WNT10A: variants seen among roughly 807,000 people sequenced by gnomAD.
WNT10A encodes protein Wnt-10a.
WNT10A carries 37 observed loss-of-function variants against 36.1 expected under a neutral mutation model. The observed-to-expected ratio is 1.02, with a 90% CI of 0.79 to 1.35. The LOEUF is 1.35. Ranked by LOEUF, WNT10A falls within the 40% of genes most tolerant of loss-of-function variation. The pLI is 0.00. For missense variants in WNT10A, 613 were observed against 601.4 expected (o/e 1.02, Z -0.20); for synonymous variants, 255 against 254.1 (o/e 1.00, Z -0.03).
chr2:218,893,298 T>G lies in WNT10A; in HGVS notation c.*27T>G. On this transcript the variant is annotated 3_prime_UTR_variant, in exon 4 of 4. Coordinates refer to ENST00000258411, the MANE Select transcript of WNT10A (RefSeq NM_025216.3). The surrounding 1 kb of genome is among the most constrained non-coding windows in gnomAD (Gnocchi z 6.3). Reference sequence around the variant, plus strand: ...CGGCCCGGGGTCCCCTGGGCCCTGATCGAGGTCCCCTCCTGGAGCCTGGCC... The same window carrying G: ...CGGCCCGGGGTCCCCTGGGCCCTGAGCGAGGTCCCCTCCTGGAGCCTGGCC... 6.5e-7 allele frequency: 1 copy of G among 1,535,286 alleles called. No individual in the cohort carries two copies.
chr2:218,875,856 G>A (rs1478352383), upstream of WNT10A, among the ~76,000 whole-genome samples: 3 of 152,226 alleles, frequency 2.0e-5, no homozygotes, highest in Non-Finnish European at 4.4e-5. Flanking sequence ...TATTGGGCAG[G>A]CCCTGATTGC....
At chr2:218,888,045 C>T (rs1290060347) in intron 2 of WNT10A, among the ~76,000 whole-genome samples, 2 of 152,120 alleles carry the variant, frequency 1.3e-5, no homozygotes, top group African/African-American at 2.4e-5. Flanking sequence ...TGTTCTGTTT[C>T]TTTCTGTTAT....
chr2:218,889,896 T>C, intron 2 of WNT10A, 88 bp from the exon 3 acceptor site: 1 of 1,601,126 alleles, frequency 6.2e-7, no homozygotes, highest in Non-Finnish European at 8.5e-7. Flanking sequence ...GGGCTTCAGT[T>C]TCTCCTTGGA....
chr2:218,877,555 C>T (rs1040474158), upstream of WNT10A, among the ~76,000 whole-genome samples: 6 of 152,164 alleles, frequency 3.9e-5, no homozygotes, highest in African/African-American at 9.7e-5. The surrounding 1 kb of genome is among the most constrained non-coding windows in gnomAD (Gnocchi z 4.1). Flanking sequence ...CCCCTGCTGG[C>T]TGAATGGCAG....
upstream of WNT10A, among the ~76,000 whole-genome samples, chr2:218,877,838 G>A (rs892279216): frequency 2.0e-5 from 3 of 152,194 alleles, no homozygotes; most frequent in Non-Finnish European, 4.4e-5. This position sits in a 1 kb window ranked among gnomAD's most constrained non-coding sequence, Gnocchi z 4.1. Flanking sequence ...GGAATGAAGA[G>A]CCTCCTTATT....
chr2:218,886,474 C>T (rs1024181691), intron 2 of WNT10A, among the ~76,000 whole-genome samples: 2 of 152,164 alleles, frequency 1.3e-5, no homozygotes, highest in African/African-American at 4.8e-5. Flanking sequence ...CTCTCCTCCA[C>T]CCTCCCCTAC....
At chr2:218,890,527 T>C (rs1944639175) in intron 3 of WNT10A, among the ~76,000 whole-genome samples, 164 bp downstream of exon 3, 1 of 152,230 alleles carries the variant, frequency 6.6e-6, no homozygotes, top group Non-Finnish European at 1.5e-5. Context: ...GAGTATGCAC[T>C]GTGCACCAGG....
At chr2:218,875,794 A>G in the WNT10A span, among the ~76,000 whole-genome samples, 1 of 152,262 alleles carries the variant, frequency 6.6e-6, no homozygotes, top group Non-Finnish European at 1.5e-5. Context: ...ACATATGTTT[A>G]GTAAATGATA....
chr2:218,880,820 G>C (rs1944502622), upstream of WNT10A: 2 of 623,444 alleles, frequency 3.2e-6, no homozygotes, highest in Non-Finnish European at 5.1e-6. The surrounding 1 kb of genome is among the most constrained non-coding windows in gnomAD (Gnocchi z 7.7). Context: ...GTGCCCGGGG[G>C]TGCTGCCCCA....
chr2:218,880,745 C>T (rs1944501049), upstream of WNT10A: 1 of 454,628 alleles, frequency 2.2e-6, no homozygotes, highest in Non-Finnish European at 3.9e-6. The surrounding 1 kb of genome is among the most constrained non-coding windows in gnomAD (Gnocchi z 7.7). Flanking sequence ...GGGAAATTCC[C>T]CGGACCCCTG....
At chr2:218,881,183 T>A in intron 1 of WNT10A, 75 bp downstream of exon 1, 1 of 1,541,382 alleles carries the variant, frequency 6.5e-7, no homozygotes, top group South Asian at 1.2e-5. Flanking sequence ...ATGCTCTTGC[T>A]GGGGTAGAGG....
intron 2 of WNT10A, 46 bp downstream of exon 2, chr2:218,882,469 C>G: frequency 6.2e-7 from 1 of 1,611,056 alleles, no homozygotes; most frequent in South Asian, 1.1e-5. Context: ...TCCAGCATCT[C>G]CACCTCAGAA....
upstream of WNT10A, among the ~76,000 whole-genome samples, chr2:218,876,151 T>G (rs1255220437): frequency 2.0e-5 from 3 of 152,206 alleles, no homozygotes; most frequent in Non-Finnish European, 4.4e-5. Context: ...AGAATGACTT[T>G]CCCAGTTGTC....
upstream of WNT10A, chr2:218,880,779 C>G: frequency 2.0e-6 from 1 of 494,728 alleles, no homozygotes; most frequent in Non-Finnish European, 3.5e-6. This position sits in a 1 kb window ranked among gnomAD's most constrained non-coding sequence, Gnocchi z 7.7. Context: ...CCGGTTCGCC[C>G]GCTCTTCACC....
chr2:218,890,049 G>C lies in WNT10A; in HGVS notation c.442G>C (p.Ala148Pro). ...AAGVVHAVSN[A>P]CALGKLKACG... Reference sequence around the variant, plus strand: ...TGGCGTGGTGCACGCCGTGTCCAATGCGTGTGCCCTGGGCAAACTGAAGGC... The same window carrying C: ...TGGCGTGGTGCACGCCGTGTCCAATCCGTGTGCCCTGGGCAAACTGAAGGC... The change falls in exon 3 of 4, where the codon GCG (alanine) becomes CCG (proline). Residue 148 changes from alanine to proline, a missense_variant. Physicochemically the swap from Ala to Pro is conservative, Grantham distance 27. Transcript: ENST00000258411. 1 of 1,614,084 alleles carries C rather than the reference G, an allele frequency of 6.2e-7. No homozygotes were observed. Among genetic ancestry groups the C allele is most frequent in the South Asian group, 1.1e-5 (1 of 91,082 alleles).
At chr2:218,880,573 A>G (rs1021542459), upstream of WNT10A, 121 of 187,904 alleles carry the variant, frequency 6.4e-4, no homozygotes, top group Middle Eastern at 4.3e-3. The surrounding 1 kb of genome is among the most constrained non-coding windows in gnomAD (Gnocchi z 7.7). Flanking sequence ...CGACACAGAC[A>G]GCGCCGCCCC....
At chr2:218,887,377 A>G (rs1187565132) in intron 2 of WNT10A, among the ~76,000 whole-genome samples, 1 of 152,112 alleles carries the variant, frequency 6.6e-6, no homozygotes, top group East Asian at 1.9e-4. Context: ...AATAAGAGAA[A>G]TGCTCAAAGT....
At chr2:218,886,124 G>A (rs1944574065) in intron 2 of WNT10A, among the ~76,000 whole-genome samples, 1 of 152,122 alleles carries the variant, frequency 6.6e-6, no homozygotes, top group Admixed American at 6.5e-5. Context: ...AAGTTGGAAG[G>A]CCAACACTAA....
At chr2:218,892,219 G>T (rs1944658327) in intron 3 of WNT10A, among the ~76,000 whole-genome samples, 1 of 151,850 alleles carries the variant, frequency 6.6e-6, no homozygotes, top group Non-Finnish European at 1.5e-5. Flanking sequence ...TCTACAAAGA[G>T]ATGTAGGGGG....
Sources: allele counts gnomAD v4.1 joint callset (sites outside exome capture counted in the v4.1 genomes callset), GRCh38; gene constraint gnomAD v4.1.1; non-coding constraint Gnocchi (gnomAD v3.1); transcripts MANE v1.5; gene names NCBI Gene and HGNC (gene_info 2026-07-23, HGNC 2026-07-21).